TMEM135: variants seen among roughly 807,000 people sequenced by gnomAD.
TMEM135 encodes the protein transmembrane protein 135.
In TMEM135, 30 loss-of-function variants were observed where a neutral mutation model predicts 60.3. That is an observed-to-expected ratio of 0.50 (90% confidence interval 0.37 to 0.68). The LOEUF is 0.68. Among genes scored for constraint, TMEM135 ranks in the 30% least tolerant of loss-of-function variants. The pLI is 0.00. For synonymous variants in TMEM135, 190 were observed against 186.7 expected, an observed-to-expected ratio of 1.02 and a Z score of -0.14; for missense variants, 468 against 548.8, an observed-to-expected ratio of 0.85 and a Z score of 1.47.
intron 4 of TMEM135, among the ~76,000 whole-genome samples, chr11:87,101,968 C>T (rs972800387): frequency 4.6e-5 from 7 of 152,044 alleles, no homozygotes; most frequent in Admixed American, 1.3e-4. Context: ...AGCAAAACTC[C>T]GTCTCGGGGA....
chr11:87,236,783 T>A, intron 6 of TMEM135, 99 bp downstream of exon 6: 1 of 1,224,902 alleles, frequency 8.2e-7, no homozygotes, highest in Non-Finnish European at 1.2e-6. Context: ...TAATTATCCC[T>A]TACAAGCAGC....
chr11:87,275,473 C>G (rs1446514370), intron 6 of TMEM135, among the ~76,000 whole-genome samples: 1 of 151,330 alleles, frequency 6.6e-6, no homozygotes, highest in Non-Finnish European at 1.5e-5. Context: ...TACCCTGTTG[C>G]CAAAAATTAA....
chr11:87,245,062 C>G (rs147927163), intron 6 of TMEM135, among the ~76,000 whole-genome samples: 78,176 of 124,634 alleles, frequency 0.63, 25,566 homozygotes, highest in Non-Finnish European at 0.69. Flanking sequence ...CTTTGTTCTC[C>G]TTGGTTTCAA....
At chr11:87,060,624 C>T (rs1389679110) in intron 1 of TMEM135, among the ~76,000 whole-genome samples, 1 of 151,050 alleles carries the variant, frequency 6.6e-6, no homozygotes, top group African/African-American at 2.4e-5. Flanking sequence ...CTTCGTCTCT[C>T]TGTACTTTTT....
chr11:87,274,870 TTA>T (rs961305382), intron 6 of TMEM135, among the ~76,000 whole-genome samples: 159 of 148,092 alleles, frequency 1.1e-3, no homozygotes, highest in African/African-American at 3.7e-3. Context: ...GCATATATAT[TTA>T]TATATATGTA....
chr11:87,265,096 A>G (rs1442541659), intron 6 of TMEM135, among the ~76,000 whole-genome samples: 2 of 151,978 alleles, frequency 1.3e-5, no homozygotes, highest in Admixed American at 6.6e-5. Flanking sequence ...TTGACTAGAA[A>G]TTTATTGTCT....
At chr11:87,236,750 A>C in intron 6 of TMEM135, 66 bp downstream of exon 6, 2 of 1,459,950 alleles carry the variant, frequency 1.4e-6, no homozygotes, top group Non-Finnish European at 1.9e-6. Flanking sequence ...TTCATCAACC[A>C]CGAAACTAAA....
intron 5 of TMEM135, among the ~76,000 whole-genome samples, chr11:87,178,237 G>A (rs750392815): frequency 3.3e-5 from 5 of 151,954 alleles, no homozygotes; most frequent in Non-Finnish European, 7.3e-5. Context: ...ATCACCATGA[G>A]CAACCTCATC....
At chr11:87,196,366 A>T (rs973102974) in intron 5 of TMEM135, among the ~76,000 whole-genome samples, 2 of 152,148 alleles carry the variant, frequency 1.3e-5, no homozygotes, top group African/African-American at 2.4e-5. Context: ...TTACAGTATC[A>T]TTTAACACAT....
chr11:87,154,351 A>G (rs1377417975), intron 4 of TMEM135, among the ~76,000 whole-genome samples: 1 of 152,176 alleles, frequency 6.6e-6, no homozygotes, highest in Non-Finnish European at 1.5e-5. Context: ...TTGTATGTAT[A>G]TACCGTATTT....
At chr11:87,217,326 T>C (rs913953108) in intron 5 of TMEM135, among the ~76,000 whole-genome samples, 32 of 152,156 alleles carry the variant, frequency 2.1e-4, no homozygotes, top group African/African-American at 7.7e-4. Context: ...TCTCTTGACC[T>C]ACAAAGAATC....
rs148675679 is a variant in TMEM135 at position 87,233,692 on chromosome 11, G to C, written c.463-2946G>C. 7.5e-3 allele frequency among the ~76,000 whole-genome samples: 1,138 copies of C among 152,118 alleles called. 22 individuals carry two copies. Among genetic ancestry groups the C allele is most frequent in the African/African-American group, 0.026 (1,066 of 41,512 alleles). ...CTACAGTATCCTGTAATGTCCTTGA[G>C]GGTCAGAATTATATTTAAATATCCT... is the stretch of plus-strand genomic sequence containing the variant. On this transcript the variant is annotated intron_variant, in intron 5 of 14. Transcript: ENST00000305494.
chr11:87,171,338 G>C lies in TMEM135; in HGVS notation c.462+13932G>C, dbSNP rs537125900. Among the ~76,000 whole-genome samples, 245 of 115,916 alleles carry C rather than the reference G, an allele frequency of 2.1e-3. 1 individual carries two copies. The highest frequency in any genetic ancestry group is 7.4e-3 in the African/African-American group (231 of 31,252). 76.0% of individuals were successfully genotyped at this position (115,916 alleles called of 152,430 possible). A position where few individuals can be genotyped will look rare whatever the true frequency, so the allele number is the denominator to read the frequency against. The stretch of plus-strand genomic sequence containing the variant: ...TATTTCAGGTTCAAGACAGTGTAGT[G>C]TTTTTTTTTTTTTTAATCACATTTC... On this transcript the variant is annotated intron_variant, in intron 5 of 14. Coordinates refer to ENST00000305494, the MANE Select transcript of TMEM135 (RefSeq NM_022918.4).
chr11:87,092,338 G>T (rs1259806478), intron 4 of TMEM135, among the ~76,000 whole-genome samples: 1 of 152,174 alleles, frequency 6.6e-6, no homozygotes, highest in African/African-American at 2.4e-5. Flanking sequence ...CTGGGTGTGT[G>T]CGGTTGGGTC....
intron 6 of TMEM135, among the ~76,000 whole-genome samples, chr11:87,264,307 C>CTTTTTTTTTTTTTTTT (rs145849024): frequency 6.8e-6 from 1 of 146,644 alleles, no homozygotes; most frequent in Non-Finnish European, 1.5e-5. Context: ...TGTTCTTTTT[C>CTTTTTTTTTTTTTTTT]TTTTCTTTTT....
chr11:87,259,090 C>T, intron 6 of TMEM135: 1 of 1,072,810 alleles, frequency 9.3e-7, no homozygotes, highest in Non-Finnish European at 1.4e-6. Flanking sequence ...GAGGTTCTGG[C>T]CGCAGACCGG....
Position 87,075,188 on chromosome 11 carries a change from T to C in TMEM135, c.362+3573T>C, listed in dbSNP as rs552492991. ...AGTTTATTTTTTTTGAGACGGAGTCTCGCTCTGTCTCCCAGGCTGGAGTGC... is the reference window on the plus strand; with the variant it reads ...AGTTTATTTTTTTTGAGACGGAGTCCCGCTCTGTCTCCCAGGCTGGAGTGC... On this transcript the variant is annotated intron_variant, in intron 3 of 14. Coordinates refer to ENST00000305494, the MANE Select transcript of TMEM135 (RefSeq NM_022918.4). 2.3e-4 allele frequency among the ~76,000 whole-genome samples: 35 copies of C among 152,326 alleles called. 1 individual carries two copies. The South Asian group carries it at 6.8e-3, about 30-fold the overall frequency.
Position 87,093,974 on chromosome 11 carries a change from T to C in TMEM135, c.396+2579T>C, listed in dbSNP as rs113560332. On this transcript the variant is annotated intron_variant, in intron 4 of 14. Transcript: ENST00000305494. Reference sequence around the variant, plus strand: ...ATTAAATGTTACGTAAATATTCATCTAACATACCTCCACAGTACTTTTTTC... The same window carrying C: ...ATTAAATGTTACGTAAATATTCATCCAACATACCTCCACAGTACTTTTTTC... Among the ~76,000 whole-genome samples, 525 of 152,336 alleles carry C rather than the reference T, an allele frequency of 3.4e-3. 5 individuals carry two copies. The highest frequency in any genetic ancestry group is 0.012 in the African/African-American group (500 of 41,578).
chr11:87,324,006 G>A lies in TMEM135; in HGVS notation c.*2673G>A. ...TTAATTTAGAATTTTATATTTTTTT[G>A]GCTCTCAGATTTTATAATGAACTTT... On this transcript the variant is annotated 3_prime_UTR_variant, in exon 15 of 15. Coordinates refer to ENST00000305494, the MANE Select transcript of TMEM135 (RefSeq NM_022918.4). 1 of 453,068 alleles carries A rather than the reference G, an allele frequency of 2.2e-6. No homozygotes were observed. The highest frequency in any genetic ancestry group is 4.4e-6 in the Non-Finnish European group (1 of 226,540). 28.1% of individuals were successfully genotyped at this position (453,068 alleles called of 1,614,324 possible).
Sources: gnomAD v4.1 joint callset for allele counts (sites outside exome capture counted in the v4.1 genomes callset) on GRCh38, gnomAD v4.1.1 for gene constraint, MANE v1.5 for transcripts, NCBI Gene and HGNC (gene_info 2026-07-23, HGNC 2026-07-21) for gene names.